Variants in CSMD1 observed in about 807,000 individuals in gnomAD.
CSMD1 encodes CUB and sushi domain-containing protein 1.
Under a neutral mutation model 417.5 loss-of-function variants are expected in CSMD1, and 213 were observed. That is an observed-to-expected ratio of 0.51 (90% CI 0.46 to 0.57). The LOEUF (loss-of-function observed/expected upper bound fraction) is 0.57. Ranked by LOEUF, CSMD1 falls within the 20% of genes least tolerant of loss-of-function variation. CSMD1 has a pLI of 0.00. For synonymous variants in CSMD1, 2,862 were observed against 1,736.8 expected (o/e 1.65, Z -16.11); for missense variants, 6,923 against 4,529.7 (o/e 1.53, Z -15.17).
chr8:4,742,175 C>T lies in CSMD1; in HGVS notation c.86-104617G>A, dbSNP rs913577781. Among the ~76,000 whole-genome samples the T allele has an allele frequency of 1.2e-4, 18 of 151,042 alleles. 1 individual carries two copies. Among genetic ancestry groups the T allele is most frequent in the South Asian group, 6.3e-4 (3 of 4,744 alleles). ...CCTCCCGAGTAGCTGGGACTACAGG[C>T]GCCCGCCACCACGCCCGGCTAATTT... On this transcript the variant is annotated intron_variant, in intron 1 of 69. Coordinates refer to ENST00000635120, the MANE Select transcript of CSMD1 (RefSeq NM_033225.6).
intron 1 of CSMD1, among the ~76,000 whole-genome samples, chr8:4,643,569 T>C (rs1418590380): frequency 6.6e-6 from 1 of 152,150 alleles, no homozygotes; most frequent in Admixed American, 6.6e-5. Flanking sequence ...ATTGCGATTT[T>C]CAGTGAATTT....
chr8:3,535,612 G>A (rs560316159), intron 10 of CSMD1, among the ~76,000 whole-genome samples: 2 of 152,240 alleles, frequency 1.3e-5, no homozygotes, highest in East Asian at 1.9e-4. Context: ...TGGGTATAAT[G>A]TACCTTATTC....
At chr8:3,632,393 A>G (rs1796828701) in intron 7 of CSMD1, among the ~76,000 whole-genome samples, 1 of 152,080 alleles carries the variant, frequency 6.6e-6, no homozygotes, top group Non-Finnish European at 1.5e-5. Context: ...AATCAAAATT[A>G]AAGACTACCC....
At chr8:3,117,323 A>G (rs985873318) in intron 42 of CSMD1, among the ~76,000 whole-genome samples, 2 of 152,162 alleles carry the variant, frequency 1.3e-5, no homozygotes, top group Non-Finnish European at 2.9e-5. Context: ...CGCCCACCTC[A>G]GCCTCCCAAA....
intron 2 of CSMD1, among the ~76,000 whole-genome samples, chr8:4,470,770 T>G (rs1800483643): frequency 6.6e-6 from 1 of 152,232 alleles, no homozygotes; most frequent in Non-Finnish European, 1.5e-5. Flanking sequence ...GGACCCAGAT[T>G]ATTTAGACAA....
At chr8:3,890,457 T>C (rs1221900847) in intron 5 of CSMD1, among the ~76,000 whole-genome samples, 3 of 151,762 alleles carry the variant, frequency 2.0e-5, no homozygotes, top group African/African-American at 7.3e-5. Flanking sequence ...GACTGAGGAT[T>C]CCAGCTGAGT....
intron 23 of CSMD1, among the ~76,000 whole-genome samples, chr8:3,323,553 A>G (rs1806291579): frequency 1.3e-5 from 2 of 151,142 alleles, no homozygotes; most frequent in African/African-American, 4.8e-5. Flanking sequence ...GAAAACTTTA[A>G]ACACTCTCCA....
chr8:4,529,200 C>T (rs1796671575), intron 2 of CSMD1, among the ~76,000 whole-genome samples: 2 of 152,160 alleles, frequency 1.3e-5, no homozygotes, highest in African/African-American at 2.4e-5. Context: ...GAGGTCAAAA[C>T]TCTTATCAGG....
chr8:4,234,236 G>A (rs150603313), intron 3 of CSMD1, among the ~76,000 whole-genome samples: 1 of 152,276 alleles, frequency 6.6e-6, no homozygotes, highest in East Asian at 1.9e-4. Context: ...GCTGCCACCA[G>A]ACTAAAGCAG....
intron 1 of CSMD1, among the ~76,000 whole-genome samples, chr8:4,803,957 C>G (rs1254682143): frequency 6.6e-6 from 1 of 152,194 alleles, no homozygotes; most frequent in Admixed American, 6.5e-5. Context: ...CAAGACAAGT[C>G]TTTACAGATG....
chr8:4,456,935 A>G (rs1290756743), intron 2 of CSMD1, among the ~76,000 whole-genome samples: 3 of 150,458 alleles, frequency 2.0e-5, no homozygotes, highest in African/African-American at 4.9e-5. Flanking sequence ...TATCCTGAGC[A>G]TGGCAATTCC....
intron 2 of CSMD1, among the ~76,000 whole-genome samples, chr8:4,623,111 G>C (rs1038453398): frequency 6.6e-6 from 1 of 152,046 alleles, no homozygotes; most frequent in South Asian, 2.1e-4. Flanking sequence ...CAAAGAACTC[G>C]AATCTGGAAT....
At chr8:3,650,347 A>G (rs972300744) in intron 7 of CSMD1, among the ~76,000 whole-genome samples, 4 of 152,166 alleles carry the variant, frequency 2.6e-5, no homozygotes, top group Admixed American at 1.3e-4. Context: ...TAGGAAGATG[A>G]GTATACCTTT....
chr8:3,863,373 G>A (rs367638389), intron 5 of CSMD1, among the ~76,000 whole-genome samples: 5 of 145,102 alleles, frequency 3.4e-5, no homozygotes, highest in African/African-American at 1.3e-4. Context: ...TCTAGCCTAG[G>A]CTACAGCAAT....
intron 2 of CSMD1, among the ~76,000 whole-genome samples, chr8:4,440,074 G>A (rs1019068352): frequency 2.0e-5 from 3 of 152,090 alleles, no homozygotes; most frequent in Non-Finnish European, 2.9e-5. Context: ...TTAAAACACT[G>A]TTTTTAACTG....
chr8:3,466,923 A>G (rs1010296608), intron 12 of CSMD1, among the ~76,000 whole-genome samples: 1 of 152,032 alleles, frequency 6.6e-6, no homozygotes, highest in East Asian at 1.9e-4. Flanking sequence ...AAAATCCTCA[A>G]ATGTTGTATT....
intron 52 of CSMD1, among the ~76,000 whole-genome samples, chr8:3,001,391 C>T (rs775610534): frequency 9.2e-5 from 14 of 152,072 alleles, no homozygotes; most frequent in Non-Finnish European, 1.2e-4. Context: ...TCTCTCCCTT[C>T]CTCGCATATA....
At chr8:4,906,315 CTTTA>C (rs1689048634) in intron 1 of CSMD1, among the ~76,000 whole-genome samples, 1 of 152,120 alleles carries the variant, frequency 6.6e-6, no homozygotes, top group Non-Finnish European at 1.5e-5. Context: ...TCTTTATATG[CTTTA>C]TTAAGTATTA....
At chr8:3,802,430 G>C (rs1021774465) in intron 5 of CSMD1, among the ~76,000 whole-genome samples, 2 of 152,090 alleles carry the variant, frequency 1.3e-5, no homozygotes, top group Admixed American at 1.3e-4. Flanking sequence ...TTATTCTTTA[G>C]ACATTTTTTT....
Sources: gnomAD v4.1 joint callset for allele counts (sites outside exome capture counted in the v4.1 genomes callset) on GRCh38, gnomAD v4.1.1 for gene constraint, MANE v1.5 for transcripts, NCBI Gene and HGNC (gene_info 2026-07-23, HGNC 2026-07-21) for gene names.